Variants in DDR2 observed in about 807,000 individuals in gnomAD.
The protein encoded by DDR2 is discoidin domain-containing receptor 2.
A neutral mutation model predicts 94.9 loss-of-function variants in DDR2; 27 were observed. The observed-to-expected ratio is 0.28, with a 90% CI of 0.21 to 0.39. The LOEUF (loss-of-function observed/expected upper bound fraction) is 0.39. Ranked by LOEUF, DDR2 falls within the 10% of genes least tolerant of loss-of-function variation. The probability of loss-of-function intolerance (pLI) is 1.00; values close to 1 mark genes in which losing one functional copy is unlikely to be tolerated. For synonymous variants in DDR2, 382 were observed against 377.2 expected, an observed-to-expected ratio of 1.01 and a Z score of -0.15; for missense variants, 783 against 1,076.0, an observed-to-expected ratio of 0.73 and a Z score of 3.81.
chr1:162,732,859 G>A (rs1490484871), intron 3 of DDR2, among the ~76,000 whole-genome samples: 1 of 152,254 alleles, frequency 6.6e-6, no homozygotes, highest in Non-Finnish European at 1.5e-5. Flanking sequence ...TCTCAGCCTT[G>A]GCAGGATAGT....
intron 3 of DDR2, among the ~76,000 whole-genome samples, chr1:162,737,186 T>C (rs1188483449): frequency 6.6e-6 from 1 of 151,606 alleles, no homozygotes; most frequent in Non-Finnish European, 1.5e-5. Flanking sequence ...ACTTTAAGTT[T>C]TAGGGTACAT....
chr1:162,685,617 C>G (rs956669973), intron 2 of DDR2, among the ~76,000 whole-genome samples: 3 of 152,034 alleles, frequency 2.0e-5, no homozygotes, highest in African/African-American at 7.3e-5. Context: ...ACTGGGTGAT[C>G]TCGGAGGTCC....
At chr1:162,776,606 T>G (rs1340650270) in intron 16 of DDR2, among the ~76,000 whole-genome samples, 1 of 152,218 alleles carries the variant, frequency 6.6e-6, no homozygotes, top group East Asian at 1.9e-4. Context: ...TATAAGAGAT[T>G]TATTATCTTT....
At chr1:162,745,210 A>T (rs1201577131) in intron 3 of DDR2, among the ~76,000 whole-genome samples, 1 of 152,188 alleles carries the variant, frequency 6.6e-6, no homozygotes, top group Non-Finnish European at 1.5e-5. Flanking sequence ...AAGTTGTATG[A>T]GTTCCCTATA....
At chr1:162,756,093 C>T (rs1485157183) in intron 7 of DDR2, among the ~76,000 whole-genome samples, 1 of 152,050 alleles carries the variant, frequency 6.6e-6, no homozygotes, top group Non-Finnish European at 1.5e-5. Context: ...AAATATTGAC[C>T]TACTTATGGA....
At chr1:162,755,918 T>C (rs1663441929) in intron 7 of DDR2, 149 bp downstream of exon 7, 1 of 717,208 alleles carries the variant, frequency 1.4e-6, no homozygotes, top group Non-Finnish European at 2.3e-6. Context: ...GATGAAGGAA[T>C]ACACATGACC....
intron 2 of DDR2, among the ~76,000 whole-genome samples, chr1:162,712,543 A>G (rs2102017068): frequency 6.6e-6 from 1 of 152,122 alleles, no homozygotes; most frequent in South Asian, 2.1e-4. Flanking sequence ...GCTTTGACAC[A>G]TGGCCTGTCC....
intron 2 of DDR2, among the ~76,000 whole-genome samples, chr1:162,693,218 G>A (rs1276256493): frequency 6.6e-6 from 1 of 152,160 alleles, no homozygotes; most frequent in African/African-American, 2.4e-5. Context: ...GAGTTGCTGA[G>A]GTTGTTATAT....
intron 2 of DDR2, among the ~76,000 whole-genome samples, chr1:162,668,405 G>A (rs768532566): frequency 1.2e-4 from 18 of 152,168 alleles, no homozygotes; most frequent in Admixed American, 1.0e-3. Flanking sequence ...TGGGGTTACT[G>A]TAACAAGTGA....
chr1:162,722,024 T>C (rs923798998), intron 3 of DDR2, among the ~76,000 whole-genome samples: 1 of 152,226 alleles, frequency 6.6e-6, no homozygotes, highest in Non-Finnish European at 1.5e-5. Context: ...CATGATATGA[T>C]ATGAAATATC....
At chr1:162,693,327 A>G (rs980923012) in intron 2 of DDR2, among the ~76,000 whole-genome samples, 1 of 152,202 alleles carries the variant, frequency 6.6e-6, no homozygotes, top group Non-Finnish European at 1.5e-5. Context: ...CATTTTTATT[A>G]GCTAAAAAGC....
chr1:162,768,504 A>T (rs946501400), intron 11 of DDR2, among the ~76,000 whole-genome samples: 6 of 152,120 alleles, frequency 3.9e-5, no homozygotes, highest in African/African-American at 1.4e-4. Flanking sequence ...CTCAGAGGAG[A>T]CCAATGCCTG....
intron 3 of DDR2, among the ~76,000 whole-genome samples, chr1:162,722,502 C>T (rs1661468896): frequency 6.6e-6 from 1 of 152,158 alleles, no homozygotes; most frequent in African/African-American, 2.4e-5. Flanking sequence ...TTTCTTATGT[C>T]AAAATCATGG....
intron 1 of DDR2, among the ~76,000 whole-genome samples, chr1:162,642,229 T>C (rs1337810935): frequency 6.6e-6 from 1 of 152,156 alleles, no homozygotes; most frequent in African/African-American, 2.4e-5. Flanking sequence ...AGTGTTGGGA[T>C]TACAGGCGTA....
At position 162,782,306 on chromosome 1, in the gene DDR2, G is replaced by T. The variant is rs1237511433; in HGVS notation, c.*2060G>T. The T allele has an allele frequency of 1.3e-5, 2 of 152,136 alleles. No individual in the cohort carries two copies. The highest frequency in any genetic ancestry group is 2.4e-5 in the African/African-American group (1 of 41,424). 9.4% of individuals were successfully genotyped at this position (152,136 alleles called of 1,614,324 possible). ...ATGTCCAGTACTCACTGGAAAATTG[G>T]ATCTATAACTGATGGGTTTAGTAAT... On this transcript the variant is annotated 3_prime_UTR_variant, in exon 18 of 18. Coordinates refer to ENST00000367921, the MANE Select transcript of DDR2 (RefSeq NM_006182.4).
intron 2 of DDR2, among the ~76,000 whole-genome samples, chr1:162,683,247 G>A (rs1422502427): frequency 6.6e-6 from 1 of 152,060 alleles, no homozygotes; most frequent in Non-Finnish European, 1.5e-5. Context: ...AGGACTTAAT[G>A]TTTTCTCCCT....
rs139085665 is a variant in DDR2, at chr1:162,654,554, T to A, written c.-191-657T>A. Among the ~76,000 whole-genome samples, 647 of 152,314 alleles carry A rather than the reference T, an allele frequency of 4.2e-3. 5 individuals carry two copies. Among genetic ancestry groups the A allele is most frequent in the Non-Finnish European group, 5.3e-3 (359 of 68,036 alleles). ...ATTTCTAGAAAATTACTCAAGTAAC[T>A]GATAATTAGTTATATCTGAAGGAGG... is the stretch of plus-strand genomic sequence containing the variant. On this transcript the variant is annotated intron_variant, in intron 1 of 17. Transcript: ENST00000367921.
At chr1:162,754,906 T>A (rs2102135614) in intron 5 of DDR2, 51 bp downstream of exon 5, 1 of 1,605,210 alleles carries the variant, frequency 6.2e-7, no homozygotes, top group Admixed American at 1.7e-5. Flanking sequence ...ATATTTTGAC[T>A]TAGGCTAGGA....
chr1:162,775,256 T>TAA (rs1455110228), intron 14 of DDR2, among the ~76,000 whole-genome samples: 34 of 2,642 alleles, frequency 0.013, no homozygotes, highest in Middle Eastern at 0.17. Context: ...CTCCATGGCT[T>TAA]TAAAAAAAAA....
Sources: gnomAD v4.1 joint callset for allele counts (sites outside exome capture counted in the v4.1 genomes callset) on GRCh38, gnomAD v4.1.1 for gene constraint, MANE v1.5 for transcripts, NCBI Gene and HGNC (gene_info 2026-07-23, HGNC 2026-07-21) for gene names.